Variants in ACTN4 observed in about 807,000 individuals in gnomAD.
The protein encoded by ACTN4 is actinin alpha 4, also known as alpha-actinin-4.
A neutral mutation model predicts 114.2 loss-of-function variants in ACTN4; 18 were observed. That is an observed-to-expected ratio of 0.16 (90% CI 0.11 to 0.23). ACTN4 has a LOEUF of 0.23. Ranked by LOEUF, ACTN4 falls within the 10% of genes least tolerant of loss-of-function variation. ACTN4 has a pLI of 1.00. For missense variants in ACTN4, 722 were observed against 1,262.9 expected (o/e 0.57, Z 6.49); for synonymous variants, 515 against 506.3 (o/e 1.02, Z -0.23).
At chr19:38,653,604 C>T (rs979971) in intron 1 of ACTN4, among the ~76,000 whole-genome samples, 56,316 of 151,970 alleles carry the variant, frequency 0.37, 11,847 homozygotes, top group Non-Finnish European at 0.47. Context: ...GTGTTTTCCC[C>T]GGCTTTATCT....
chr19:38,650,294 G>T (rs960050559), intron 1 of ACTN4, among the ~76,000 whole-genome samples: 2 of 152,098 alleles, frequency 1.3e-5, no homozygotes, highest in African/African-American at 2.4e-5. Flanking sequence ...CGAGAGTTAG[G>T]GTGTGGGCTT....
At chr19:38,691,417 A>AC (rs1568709131) in intron 1 of ACTN4, among the ~76,000 whole-genome samples, 1 of 150,364 alleles carries the variant, frequency 6.7e-6, no homozygotes, top group African/African-American at 2.4e-5. Context: ...AAAAAAAACA[A>AC]AAAAAACAAA....
At chr19:38,676,612 G>A (rs1051353628) in intron 1 of ACTN4, among the ~76,000 whole-genome samples, 1 of 152,214 alleles carries the variant, frequency 6.6e-6, no homozygotes, top group South Asian at 2.1e-4. Flanking sequence ...CAGGGCCTCT[G>A]GGGCCGGATG....
intron 8 of ACTN4, among the ~76,000 whole-genome samples, chr19:38,713,370 GTC>G (rs1030580010): frequency 6.6e-6 from 1 of 152,218 alleles, no homozygotes; most frequent in African/African-American, 2.4e-5. Flanking sequence ...GGTGCCAGTT[GTC>G]TCTGCCAAGT....
chr19:38,708,068 T>C, intron 5 of ACTN4, 49 bp from the exon 6 acceptor site: 2 of 1,588,894 alleles, frequency 1.3e-6, no homozygotes, highest in Non-Finnish European at 1.7e-6. Context: ...TACGGCACTC[T>C]CATGACAGTG....
intron 11 of ACTN4, 104 bp from the exon 12 acceptor site, chr19:38,721,434 G>T: frequency 7.4e-7 from 1 of 1,348,796 alleles, no homozygotes; most frequent in South Asian, 1.2e-5. Flanking sequence ...GGAAGGATGT[G>T]GGGTCCACAG....
At chr19:38,721,846 A>C (rs2306198) in intron 12 of ACTN4, 158 bp downstream of exon 12, 2 of 1,088,694 alleles carry the variant, frequency 1.8e-6, no homozygotes, top group Admixed American at 2.0e-5. Flanking sequence ...GAAGGGCCTT[A>C]TGGGATGAGG....
intron 5 of ACTN4, 138 bp from the exon 6 acceptor site, chr19:38,707,979 C>T: frequency 1.1e-6 from 1 of 881,598 alleles, no homozygotes; most frequent in South Asian, 1.4e-5. Context: ...CTCTCTGCCA[C>T]ACTGTCTCCA....
At chr19:38,649,248 C>G (rs1169988733) in intron 1 of ACTN4, among the ~76,000 whole-genome samples, 1 of 128,158 alleles carries the variant, frequency 7.8e-6, no homozygotes, top group Non-Finnish European at 1.6e-5. Flanking sequence ...GGAGTGGGAT[C>G]CCCGAGCGAG....
intron 12 of ACTN4, 68 bp from the exon 13 acceptor site, chr19:38,723,546 G>A (rs777148742): frequency 2.2e-4 from 258 of 1,191,796 alleles, no homozygotes; most frequent in Non-Finnish European, 3.1e-4. Context: ...AACCTTGGGG[G>A]TAGATGGGTC....
intron 1 of ACTN4, among the ~76,000 whole-genome samples, chr19:38,690,759 A>C (rs1369603442): frequency 1.3e-5 from 2 of 152,190 alleles, no homozygotes; most frequent in African/African-American, 4.8e-5. Context: ...ATTAGTGGTG[A>C]TTGTTGCACG....
At chr19:38,680,444 T>A (rs1967528582) in intron 1 of ACTN4, among the ~76,000 whole-genome samples, 1 of 152,020 alleles carries the variant, frequency 6.6e-6, no homozygotes, top group Admixed American at 6.6e-5. Flanking sequence ...GCTCCCAGAT[T>A]GCTGGGATTA....
At position 38,708,699 on chromosome 19, in the gene ACTN4, C is replaced by T. The variant is rs115898643; in HGVS notation, c.651+504C>T. The stretch of plus-strand genomic sequence containing the variant: ...TCCAAAGCAAAGCACCACACCAGGC[C>T]GTGTACATGTGCTCAGGCTGAATGG... On this transcript the variant is annotated intron_variant, in intron 6 of 20. Transcript: ENST00000252699. Among the ~76,000 whole-genome samples the T allele has an allele frequency of 8.7e-4, 133 of 152,308 alleles. 1 individual carries two copies. Among genetic ancestry groups the T allele is most frequent in the African/African-American group, 2.8e-3 (118 of 41,564 alleles).
intron 1 of ACTN4, among the ~76,000 whole-genome samples, chr19:38,699,532 A>G (rs950400371): frequency 6.6e-6 from 1 of 152,126 alleles, no homozygotes; most frequent in African/African-American, 2.4e-5. Context: ...AGGCGGGTAG[A>G]TCACTTGAGG....
At chr19:38,672,713 A>G (rs184053583) in intron 1 of ACTN4, among the ~76,000 whole-genome samples, 6 of 151,542 alleles carry the variant, frequency 4.0e-5, no homozygotes, top group African/African-American at 1.5e-4. Context: ...AGCTGGGATA[A>G]CAGGCATGTG....
At chr19:38,728,431 CCTCCTCCTCCTCCTCCT>C in intron 19 of ACTN4, 1 of 1,017,928 alleles carries the variant, frequency 9.8e-7, no homozygotes, top group South Asian at 1.4e-5. Flanking sequence ...TCCTCCTCCT[CCTCCTCCTCCTCCTCCT>C]CCCCCCCACC....
Position 38,717,407 on chromosome 19 carries a change from T to A in ACTN4, c.1143+91T>A. 6.7e-7 allele frequency: 1 copy of A among 1,503,440 alleles called. No homozygotes were observed. Among genetic ancestry groups the A allele is most frequent in the Non-Finnish European group, 9.0e-7 (1 of 1,110,968 alleles). 93.1% of individuals were successfully genotyped at this position (1,503,440 alleles called of 1,614,324 possible). A position where few individuals can be genotyped will look rare whatever the true frequency, so the allele number is the denominator to read the frequency against. ...GCAGTTTGGCCAGCGTAATCTTTCC[T>A]AAGTTGTTGATGTCCTGTGGGACAT... On this transcript the variant is annotated intron_variant, in intron 10 of 20. Transcript: ENST00000252699. This position sits in a 1 kb window ranked among gnomAD's most constrained non-coding sequence, Gnocchi z 4.0.
At chr19:38,721,730 C>G (rs1969050421) in intron 12 of ACTN4, 42 bp downstream of exon 12, 2 of 1,605,994 alleles carry the variant, frequency 1.2e-6, no homozygotes, top group African/African-American at 2.7e-5. Flanking sequence ...TGGCTCTCAC[C>G]ACAGCCTGCC....
At chr19:38,671,537 T>C (rs1370768173) in intron 1 of ACTN4, among the ~76,000 whole-genome samples, 1 of 152,216 alleles carries the variant, frequency 6.6e-6, no homozygotes, top group East Asian at 1.9e-4. Context: ...GTGACAGAGA[T>C]CCATCCTGAG....
Sources: allele counts gnomAD v4.1 joint callset (sites outside exome capture counted in the v4.1 genomes callset), GRCh38; gene constraint gnomAD v4.1.1; non-coding constraint Gnocchi (gnomAD v3.1); transcripts MANE v1.5; gene names NCBI Gene and HGNC (gene_info 2026-07-23, HGNC 2026-07-21).